The following METTL15 variants were observed in gnomAD, a reference collection of about 807,000 sequenced individuals.
METTL15 encodes 12S rRNA N(4)-cytidine methyltransferase METTL15.
A neutral mutation model predicts 38.3 loss-of-function variants in METTL15; 34 were observed. The ratio of observed to expected loss-of-function variants is 0.89; its 90% CI spans 0.68 to 1.18. The LOEUF (loss-of-function observed/expected upper bound fraction) is 1.18, where lower values mean the gene tolerates loss of function less well. Among genes scored for constraint, METTL15 ranks in the 50% most tolerant of loss-of-function variants. The pLI is 0.00. For missense variants in METTL15, 438 were observed against 498.4 expected (o/e 0.88, Z 1.15); for synonymous variants, 162 against 170.9 (o/e 0.95, Z 0.41).
At chr11:28,153,042 TATA>T (rs983967199) in intron 3 of METTL15, among the ~76,000 whole-genome samples, 5 of 152,030 alleles carry the variant, frequency 3.3e-5, no homozygotes, top group Non-Finnish European at 7.4e-5. Context: ...ATAATTAGCA[TATA>T]ATGTGCAGTG....
chr11:28,127,711 A>G (rs1443785201), intron 3 of METTL15, among the ~76,000 whole-genome samples: 1 of 152,140 alleles, frequency 6.6e-6, no homozygotes, highest in Non-Finnish European at 1.5e-5. Context: ...TTTATGTAGA[A>G]TAAGCATTAC....
intron 5 of METTL15, among the ~76,000 whole-genome samples, chr11:28,371,908 T>C (rs565246957): frequency 6.6e-6 from 1 of 152,090 alleles, no homozygotes; most frequent in African/African-American, 2.4e-5. Flanking sequence ...TAGGTTTTTC[T>C]AAGTATAAAA....
intron 6 of METTL15, among the ~76,000 whole-genome samples, chr11:28,430,093 C>T (rs898586049): frequency 6.7e-6 from 1 of 150,230 alleles, no homozygotes; most frequent in Non-Finnish European, 1.5e-5. Context: ...GCCGCCCTGT[C>T]TGAGAAGTGA....
intron 6 of METTL15, among the ~76,000 whole-genome samples, chr11:28,455,063 T>C (rs2133450588): frequency 6.6e-6 from 1 of 152,198 alleles, no homozygotes. Context: ...AGTTCCAAGA[T>C]ACTCAGGTCC....
At chr11:28,375,809 T>C (rs1386855259) in intron 5 of METTL15, among the ~76,000 whole-genome samples, 1 of 151,994 alleles carries the variant, frequency 6.6e-6, no homozygotes, top group Non-Finnish European at 1.5e-5. Flanking sequence ...TATTTAGTGC[T>C]ATAAATTTCC....
chr11:28,426,584 GTTTT>G (rs66959082), intron 6 of METTL15, among the ~76,000 whole-genome samples: 1 of 82,342 alleles, frequency 1.2e-5, no homozygotes. Context: ...GCCAGCATCT[GTTTT>G]TTTTTTTTTT....
intron 1 of METTL15, 73 bp from the exon 2 acceptor site, chr11:28,110,093 C>CA (rs1260641938): frequency 2.0e-5 from 3 of 152,048 alleles, no homozygotes; most frequent in Non-Finnish European, 4.4e-5. Flanking sequence ...TGTTTCAGAC[C>CA]AAAAAATAAA....
chr11:28,500,375 A>G (rs1266585649), intron 6 of METTL15, among the ~76,000 whole-genome samples: 2 of 152,350 alleles, frequency 1.3e-5, no homozygotes, highest in African/African-American at 2.4e-5. Context: ...TAAAATGCCT[A>G]TTCTACATCT....
At chr11:28,171,646 T>C (rs949575122) in intron 3 of METTL15, among the ~76,000 whole-genome samples, 5 of 152,182 alleles carry the variant, frequency 3.3e-5, no homozygotes, top group Admixed American at 2.0e-4. Flanking sequence ...ATGCTAAATA[T>C]AGTGATGTTA....
chr11:28,176,985 A>G lies in METTL15; in HGVS notation c.271-34077A>G, dbSNP rs188970041. Among the ~76,000 whole-genome samples the G allele has an allele frequency of 4.8e-3, 733 of 152,204 alleles. 3 individuals are homozygous for G. The highest frequency in any genetic ancestry group is 8.8e-3 in the Non-Finnish European group (600 of 67,944). On this transcript the variant is annotated intron_variant, in intron 3 of 6. Coordinates refer to ENST00000407364, the MANE Select transcript of METTL15 (RefSeq NM_001113528.2). ...TTCAAAATTGAGAAGGCATAAGTTG[A>G]TAAACTTTTTGCCTTTCTTTTATAA...
At chr11:28,297,202 ATAG>A (rs1026252361) in intron 6 of METTL15, among the ~76,000 whole-genome samples, 7 of 152,196 alleles carry the variant, frequency 4.6e-5, no homozygotes, top group Admixed American at 4.6e-4. Context: ...AATTTGTATA[ATAG>A]TAGATTTTTA....
chr11:28,228,845 G>C (rs1342519358), intron 4 of METTL15, among the ~76,000 whole-genome samples: 2 of 151,742 alleles, frequency 1.3e-5, no homozygotes, highest in Non-Finnish European at 2.9e-5. Flanking sequence ...AGACTTACAA[G>C]GTATCTGAAA....
chr11:28,284,993 C>G (rs1166011982), intron 4 of METTL15, among the ~76,000 whole-genome samples: 3 of 152,062 alleles, frequency 2.0e-5, no homozygotes, highest in Non-Finnish European at 4.4e-5. Context: ...AGGCGGTTTC[C>G]CCCATGCTGT....
chr11:28,163,533 C>T (rs1383365520), intron 3 of METTL15: 1 of 357,762 alleles, frequency 2.8e-6, no homozygotes, highest in Admixed American at 4.7e-5. Flanking sequence ...TTACTGATCT[C>T]TCTCTCTCTC....
intron 4 of METTL15, among the ~76,000 whole-genome samples, chr11:28,280,797 A>G (rs1030893739): frequency 2.0e-5 from 3 of 150,982 alleles, no homozygotes; most frequent in Non-Finnish European, 2.9e-5. Context: ...AAGCCCATCT[A>G]TAGAATTCTT....
chr11:28,428,637 G>A (rs983190347), intron 6 of METTL15, among the ~76,000 whole-genome samples: 1 of 152,130 alleles, frequency 6.6e-6, no homozygotes, highest in Admixed American at 6.5e-5. Context: ...AGACAAGCTG[G>A]CTACTAACAC....
intron 3 of METTL15, among the ~76,000 whole-genome samples, chr11:28,194,635 GA>G (rs1490603238): frequency 6.6e-6 from 1 of 151,442 alleles, no homozygotes; most frequent in Non-Finnish European, 1.5e-5. Flanking sequence ...TGTTGAAAAA[GA>G]AAAAAATAAA....
chr11:28,368,795 T>C (rs926254233), intron 5 of METTL15, among the ~76,000 whole-genome samples: 3 of 152,216 alleles, frequency 2.0e-5, no homozygotes, highest in East Asian at 3.9e-4. Context: ...AAATGTGGCA[T>C]GTATACACCA....
chr11:28,161,146 T>A lies in METTL15; in HGVS notation c.270+47542T>A, dbSNP rs1041820354. 5.6e-5 allele frequency among the ~76,000 whole-genome samples: 8 copies of A among 143,716 alleles called. No homozygotes were observed. The South Asian group carries it at 1.5e-3, about 28-fold the overall frequency. The allele number at this position is 143,716 out of a possible 152,430, so 94.3% of individuals were successfully genotyped here. A position where few individuals can be genotyped will look rare whatever the true frequency, so the allele number is the denominator to read the frequency against. ...TTTTTTGTTTTTTGTTTTTTGAGACTGTGTCTTGCTGTCTTGCCCAGTCTG... is the reference window on the plus strand; with the variant it reads ...TTTTTTGTTTTTTGTTTTTTGAGACAGTGTCTTGCTGTCTTGCCCAGTCTG... On this transcript the variant is annotated intron_variant, in intron 3 of 6. Transcript: ENST00000407364.
Sources: allele counts gnomAD v4.1 joint callset (sites outside exome capture counted in the v4.1 genomes callset), GRCh38; gene constraint gnomAD v4.1.1; transcripts MANE v1.5; gene names NCBI Gene and HGNC (gene_info 2026-07-23, HGNC 2026-07-21).